The following CNTNAP2 variants were observed in gnomAD, a reference collection of about 807,000 sequenced individuals.
CNTNAP2 encodes contactin associated protein 2, also known as contactin-associated protein-like 2.
Under a neutral mutation model 155.2 loss-of-function variants are expected in CNTNAP2, and 98 were observed. That is an observed-to-expected ratio of 0.63 (90% CI 0.54 to 0.75). The LOEUF (loss-of-function observed/expected upper bound fraction) is 0.75, where lower values mean the gene tolerates loss of function less well. Ranked by LOEUF, CNTNAP2 falls within the 30% of genes least tolerant of loss-of-function variation. The pLI is 0.00. For missense variants in CNTNAP2, 1,727 were observed against 1,688.1 expected (o/e 1.02, Z -0.40); for synonymous variants, 651 against 631.2 (o/e 1.03, Z -0.47).
rs959482292 is a variant in CNTNAP2, at chr7:147,868,519, T to C, written c.2099-35046T>C. 3.2e-4 allele frequency among the ~76,000 whole-genome samples: 48 copies of C among 152,278 alleles called. 1 individual carries two copies. The highest frequency in any genetic ancestry group is 9.9e-4 in the African/African-American group (41 of 41,558). Reference sequence around the variant, plus strand: ...TCTCTTCAGAGCTGTCAGACAGGGATGTTTAAGTCTGCAGAAGTTGTCTGC... The same window carrying C: ...TCTCTTCAGAGCTGTCAGACAGGGACGTTTAAGTCTGCAGAAGTTGTCTGC... On this transcript the variant is annotated intron_variant, in intron 13 of 23. Coordinates refer to ENST00000361727, the MANE Select transcript of CNTNAP2 (RefSeq NM_014141.6).
intron 2 of CNTNAP2, among the ~76,000 whole-genome samples, chr7:146,780,487 CCGGTTT>C (rs1416109388): frequency 6.6e-6 from 1 of 152,116 alleles, no homozygotes; most frequent in Non-Finnish European, 1.5e-5. Flanking sequence ...CTGTGCCCGG[CCGGTTT>C]CCTGACTTTT....
chr7:146,477,770 G>T (rs1796901687), intron 1 of CNTNAP2, among the ~76,000 whole-genome samples: 1 of 152,016 alleles, frequency 6.6e-6, no homozygotes, highest in African/African-American at 2.4e-5. Flanking sequence ...ATTCTGCCCA[G>T]ATTAAGATTT....
chr7:148,114,504 A>G (rs1035503620), intron 15 of CNTNAP2, among the ~76,000 whole-genome samples: 2 of 152,190 alleles, frequency 1.3e-5, no homozygotes, highest in Non-Finnish European at 2.9e-5. Flanking sequence ...CATGGAGTCT[A>G]TGATCAGTTG....
chr7:148,397,947 G>C (rs1799504972), intron 22 of CNTNAP2, among the ~76,000 whole-genome samples: 2 of 152,234 alleles, frequency 1.3e-5, no homozygotes, highest in African/African-American at 2.4e-5. Flanking sequence ...AGCATATTTA[G>C]CATGGAGCTT....
At chr7:147,987,947 G>A (rs34256667) in intron 15 of CNTNAP2, among the ~76,000 whole-genome samples, 99,364 of 151,888 alleles carry the variant, frequency 0.65, 34,831 homozygotes, top group Non-Finnish European at 0.78. Flanking sequence ...CACCCCTCTC[G>A]GCCTCCCAAA....
At chr7:146,572,942 A>G (rs1024617684) in intron 1 of CNTNAP2, among the ~76,000 whole-genome samples, 5 of 152,168 alleles carry the variant, frequency 3.3e-5, no homozygotes, top group Non-Finnish European at 7.4e-5. Flanking sequence ...CAAACTGGTG[A>G]TATGGGTTTC....
At chr7:147,347,461 T>TATATATGC (rs1795893008) in intron 9 of CNTNAP2, among the ~76,000 whole-genome samples, 12 of 62,550 alleles carry the variant, frequency 1.9e-4, no homozygotes, top group Admixed American at 6.2e-4. Flanking sequence ...TATATGCATA[T>TATATATGC]ATATATATAT....
At chr7:147,023,494 A>G (rs1584788849) in intron 3 of CNTNAP2, among the ~76,000 whole-genome samples, 1 of 152,152 alleles carries the variant, frequency 6.6e-6, no homozygotes, top group African/African-American at 2.4e-5. Flanking sequence ...CCACCAGTAT[A>G]TTCACTTTGA....
chr7:147,018,406 T>C (rs1318831156), intron 3 of CNTNAP2, among the ~76,000 whole-genome samples: 1 of 152,088 alleles, frequency 6.6e-6, no homozygotes, highest in Admixed American at 6.6e-5. Flanking sequence ...ATGTCTGTTA[T>C]TTGATTTGCG....
chr7:146,884,892 C>T (rs1017331641), intron 3 of CNTNAP2, among the ~76,000 whole-genome samples: 1 of 152,076 alleles, frequency 6.6e-6, no homozygotes, highest in Non-Finnish European at 1.5e-5. Context: ...GCTTTTCTAG[C>T]TCCCTTAAAA....
At chr7:147,290,381 G>A (rs1450493622) in intron 8 of CNTNAP2, among the ~76,000 whole-genome samples, 2 of 151,970 alleles carry the variant, frequency 1.3e-5, no homozygotes, top group African/African-American at 4.8e-5. Context: ...AAGCACCAAA[G>A]TATAAAAAAT....
In CNTNAP2 at chr7:146,975,566, T is replaced by C. The variant is rs1333999172; in HGVS notation, c.403-68341T>C. ...CTGAGAGTGCAGGCGTGAAGTATAG[T>C]CAGTTCGGGATTGTAATCAGGGTCC... On this transcript the variant is annotated intron_variant, in intron 3 of 23. Coordinates refer to ENST00000361727, the MANE Select transcript of CNTNAP2 (RefSeq NM_014141.6). Among the ~76,000 whole-genome samples the C allele has an allele frequency of 3.4e-4, 51 of 152,118 alleles. 1 individual carries two copies. Among genetic ancestry groups the C allele is most frequent in the Non-Finnish European group, 1.5e-5 (1 of 68,018 alleles).
At chr7:146,737,251 T>C (rs1360787085) in intron 1 of CNTNAP2, among the ~76,000 whole-genome samples, 1 of 152,196 alleles carries the variant, frequency 6.6e-6, no homozygotes, top group African/African-American at 2.4e-5. Context: ...AACTATTCTA[T>C]GCATTACCTC....
chr7:146,638,171 A>G (rs1408200600), intron 1 of CNTNAP2, among the ~76,000 whole-genome samples: 5 of 152,162 alleles, frequency 3.3e-5, no homozygotes, highest in African/African-American at 1.2e-4. Context: ...TGACTGAACT[A>G]AAGGGGCGCT....
At chr7:148,267,252 A>G in intron 21 of CNTNAP2, 126 bp downstream of exon 21, 1 of 834,750 alleles carries the variant, frequency 1.2e-6, no homozygotes, top group African/African-American at 1.7e-5. Context: ...TTCTCTGTAC[A>G]GGAAAGTTAC....
At chr7:147,789,786 C>T (rs1431864699) in intron 13 of CNTNAP2, among the ~76,000 whole-genome samples, 1 of 152,186 alleles carries the variant, frequency 6.6e-6, no homozygotes, top group Non-Finnish European at 1.5e-5. Context: ...ATGCTGGATG[C>T]TTCCTGCCCT....
At chr7:148,161,616 T>C (rs558728403) in intron 17 of CNTNAP2, among the ~76,000 whole-genome samples, 9 of 152,218 alleles carry the variant, frequency 5.9e-5, no homozygotes, top group Admixed American at 2.0e-4. Context: ...TCCACTGTCA[T>C]TGATTCTTAA....
chr7:147,189,957 G>A (rs1231412068), intron 8 of CNTNAP2, among the ~76,000 whole-genome samples: 1 of 152,074 alleles, frequency 6.6e-6, no homozygotes, highest in East Asian at 1.9e-4. Context: ...TGTTAGCCAG[G>A]ATGATCTCCA....
intron 1 of CNTNAP2, among the ~76,000 whole-genome samples, chr7:146,731,533 GA>G (rs1432696872): frequency 6.6e-6 from 1 of 152,034 alleles, no homozygotes; most frequent in Non-Finnish European, 1.5e-5. Flanking sequence ...CTGAGCAGCA[GA>G]GTGAGATGAA....
Sources: gnomAD v4.1 joint callset for allele counts (sites outside exome capture counted in the v4.1 genomes callset) on GRCh38, gnomAD v4.1.1 for gene constraint, MANE v1.5 for transcripts, NCBI Gene and HGNC (gene_info 2026-07-23, HGNC 2026-07-21) for gene names.